Variants in GALNT13 observed in about 807,000 individuals in gnomAD.
The protein encoded by GALNT13 is UDP-GalNAc:polypeptide N-acetylgalactosaminyltransferase 13.
A neutral mutation model predicts 64.2 loss-of-function variants in GALNT13; 28 were observed. That is an observed-to-expected ratio of 0.44 (90% CI 0.32 to 0.60). GALNT13 has a LOEUF of 0.60. Among genes scored for constraint, GALNT13 ranks in the 20% least tolerant of loss-of-function variants. GALNT13 has a pLI of 0.05. For synonymous variants in GALNT13, 214 were observed against 224.6 expected (o/e 0.95, Z 0.42); for missense variants, 577 against 669.8 (o/e 0.86, Z 1.53).
intron 9 of GALNT13, among the ~76,000 whole-genome samples, chr2:154,311,760 T>TG (rs929494762): frequency 5.3e-5 from 8 of 152,188 alleles, no homozygotes; most frequent in South Asian, 2.1e-4. Flanking sequence ...AGGTACGCCC[T>TG]GGGGGGGCCA....
At chr2:153,519,055 T>C in the GALNT13 span, among the ~76,000 whole-genome samples, 2 of 152,170 alleles carry the variant, frequency 1.3e-5, no homozygotes, top group Non-Finnish European at 2.9e-5. Flanking sequence ...TGCTAAGCCA[T>C]AGACTAAGAA....
At chr2:154,434,287 T>G (rs1239111555) in intron 11 of GALNT13, among the ~76,000 whole-genome samples, 4 of 152,104 alleles carry the variant, frequency 2.6e-5, no homozygotes, top group African/African-American at 9.7e-5. Flanking sequence ...TTTAGAGGAG[T>G]CTCGCTCTGT....
At chr2:153,400,986 C>A in the GALNT13 span, among the ~76,000 whole-genome samples, 1 of 151,016 alleles carries the variant, frequency 6.6e-6, no homozygotes, top group Admixed American at 6.6e-5. Flanking sequence ...TGTGTTTGCT[C>A]TTGGTTTTCT....
the GALNT13 span, among the ~76,000 whole-genome samples, chr2:153,169,766 T>C: frequency 6.6e-6 from 1 of 152,170 alleles, no homozygotes; most frequent in Non-Finnish European, 1.5e-5. Context: ...ATTTTCTTTG[T>C]CTTTTCAAAG....
chr2:153,283,229 G>A, the GALNT13 span, among the ~76,000 whole-genome samples: 1 of 152,288 alleles, frequency 6.6e-6, no homozygotes, highest in African/African-American at 2.4e-5. Context: ...GAATTCTGTA[G>A]GCAGCCACTA....
At chr2:153,921,156 C>A (rs2105336440) in intron 2 of GALNT13, among the ~76,000 whole-genome samples, 1 of 152,060 alleles carries the variant, frequency 6.6e-6, no homozygotes, top group East Asian at 1.9e-4. Context: ...ATCACTCTAC[C>A]ATAAAGACAC....
the GALNT13 span, among the ~76,000 whole-genome samples, chr2:153,590,728 C>T: frequency 2.8e-3 from 433 of 152,218 alleles, 9 homozygotes; most frequent in Admixed American, 0.023. Flanking sequence ...CCCATGTAAT[C>T]ATCTCAATAG....
chr2:153,212,018 A>G, the GALNT13 span, among the ~76,000 whole-genome samples: 1 of 152,162 alleles, frequency 6.6e-6, no homozygotes, highest in Non-Finnish European at 1.5e-5. Flanking sequence ...AAAAAAGCAG[A>G]ATTTACAGAA....
rs572975753 is a variant in GALNT13, at chr2:154,026,053, G to A, written c.142+81414G>A. On this transcript the variant is annotated intron_variant, in intron 3 of 12. Coordinates refer to ENST00000392825, the MANE Select transcript of GALNT13 (RefSeq NM_052917.4). ...AATGTGCATGGTGTTGGGGGGAGGG[G>A]AGTAAGAACATAGTAGATTTGCATT... 3.9e-5 allele frequency among the ~76,000 whole-genome samples: 6 copies of A among 152,210 alleles called. No homozygotes were observed. In the East Asian group the frequency reaches 1.2e-3, roughly 29 times the overall value.
At chr2:153,771,080 G>T in the GALNT13 span, among the ~76,000 whole-genome samples, 1 of 152,206 alleles carries the variant, frequency 6.6e-6, no homozygotes, top group Non-Finnish European at 1.5e-5. Flanking sequence ...TGAAAGGAAA[G>T]GTGGCTCAGG....
chr2:153,879,871 G>A (rs1478287291), intron 1 of GALNT13, among the ~76,000 whole-genome samples: 1 of 152,164 alleles, frequency 6.6e-6, no homozygotes, highest in Non-Finnish European at 1.5e-5. Flanking sequence ...GAATGGGATA[G>A]TAAACATGGA....
rs185780595 is a variant in GALNT13 at position 153,890,175 on chromosome 2, A to G, written c.-176-10761A>G. 5.9e-5 allele frequency among the ~76,000 whole-genome samples: 9 copies of G among 152,146 alleles called. No homozygotes were observed. In the East Asian group the frequency reaches 1.7e-3, roughly 29 times the overall value. On this transcript the variant is annotated intron_variant, in intron 1 of 12. Transcript: ENST00000392825. ...ACAAACACAAAAATCATCTGTCTAT[A>G]TGAACAGTGTTCCAAATGTATGAAT...
At chr2:153,832,773 T>G in the GALNT13 span, among the ~76,000 whole-genome samples, 1 of 152,156 alleles carries the variant, frequency 6.6e-6, no homozygotes, top group African/African-American at 2.4e-5. Flanking sequence ...GACAAACCTT[T>G]CCTGTAAAGT....
intron 8 of GALNT13, among the ~76,000 whole-genome samples, chr2:154,270,076 A>G (rs1436288094): frequency 6.6e-6 from 1 of 151,240 alleles, no homozygotes; most frequent in Non-Finnish European, 1.5e-5. Flanking sequence ...TTAGAAAAAA[A>G]TAAGTGAACA....
At chr2:154,223,116 A>G (rs974314440) in intron 4 of GALNT13, among the ~76,000 whole-genome samples, 4 of 152,326 alleles carry the variant, frequency 2.6e-5, no homozygotes, top group African/African-American at 7.2e-5. Context: ...ATATAAAACT[A>G]TAAAAGGGTC....
the GALNT13 span, among the ~76,000 whole-genome samples, chr2:153,076,988 T>G: frequency 6.6e-6 from 1 of 151,902 alleles, no homozygotes; most frequent in East Asian, 1.9e-4. Context: ...GTCTTGCTCT[T>G]TTGCCCAGGC....
At chr2:153,566,348 G>GTTTTTTTGTTTTTTTTTTTTTTTT in the GALNT13 span, among the ~76,000 whole-genome samples, 4 of 74,826 alleles carry the variant, frequency 5.3e-5, no homozygotes, top group African/African-American at 2.6e-4. Context: ...TTCTAATCAC[G>GTTTTTTTGTTTTTTTTTTTTTTTT]TTTTTTTTTT....
chr2:154,203,412 G>T (rs1687276183), intron 4 of GALNT13, among the ~76,000 whole-genome samples: 2 of 152,106 alleles, frequency 1.3e-5, no homozygotes, highest in South Asian at 4.1e-4. Flanking sequence ...TAACAGAATT[G>T]TCTTTCCTAT....
chr2:153,726,314 T>C, the GALNT13 span, among the ~76,000 whole-genome samples: 1 of 152,178 alleles, frequency 6.6e-6, no homozygotes, highest in Non-Finnish European at 1.5e-5. Context: ...GTAACTCTCA[T>C]AGATGTGACT....
Sources: allele counts gnomAD v4.1 joint callset (sites outside exome capture counted in the v4.1 genomes callset), GRCh38; gene constraint gnomAD v4.1.1; transcripts MANE v1.5; gene names NCBI Gene and HGNC (gene_info 2026-07-23, HGNC 2026-07-21).